GIGYF2: variants seen among roughly 807,000 people sequenced by gnomAD.
GIGYF2 encodes the protein GRB10-interacting GYF protein 2.
Under a neutral mutation model 208.1 loss-of-function variants are expected in GIGYF2, and 25 were observed. The ratio of observed to expected loss-of-function variants is 0.12; its 90% CI spans 0.09 to 0.17. The LOEUF (loss-of-function observed/expected upper bound fraction) is 0.17, where lower values mean the gene tolerates loss of function less well. Among genes scored for constraint, GIGYF2 ranks in the 10% least tolerant of loss-of-function variants. The probability of loss-of-function intolerance (pLI) is 1.00; values close to 1 mark genes in which losing one functional copy is unlikely to be tolerated. For missense variants in GIGYF2, 1,302 were observed against 1,579.4 expected (o/e 0.82, Z 2.98); for synonymous variants, 534 against 543.8 (o/e 0.98, Z 0.25).
chr2:232,706,923 G>C, intron 2 of GIGYF2, among the ~76,000 whole-genome samples: 1 of 148,364 alleles, frequency 6.7e-6, no homozygotes, highest in Middle Eastern at 3.5e-3. Context: ...CCCTACCTGG[G>C]TAACAGAGCA....
chr2:232,746,799 A>C (rs1698167227), intron 3 of GIGYF2, among the ~76,000 whole-genome samples: 1 of 152,192 alleles, frequency 6.6e-6, no homozygotes, highest in Non-Finnish European at 1.5e-5. Context: ...ACGTTGTGAA[A>C]TATTTCAGGC....
chr2:232,768,112 G>C, intron 8 of GIGYF2: 23 of 1,439,386 alleles, frequency 1.6e-5, no homozygotes, highest in Non-Finnish European at 2.2e-5. Context: ...ATTGAAAAAA[G>C]AAAACATGAG....
At chr2:232,808,707 A>C (rs189471447) in intron 15 of GIGYF2, among the ~76,000 whole-genome samples, 3 of 152,130 alleles carry the variant, frequency 2.0e-5, no homozygotes, top group Non-Finnish European at 2.9e-5. Context: ...TTAGTCTGTC[A>C]TACTTACACT....
chr2:232,720,796 T>C (rs1696909095), intron 2 of GIGYF2, among the ~76,000 whole-genome samples: 1 of 152,078 alleles, frequency 6.6e-6, no homozygotes, highest in African/African-American at 2.4e-5. Flanking sequence ...GGTTTTGCCA[T>C]GTTGGCCAGG....
intron 19 of GIGYF2, among the ~76,000 whole-genome samples, chr2:232,816,104 T>C (rs979523647): frequency 1.3e-5 from 2 of 152,208 alleles, no homozygotes; most frequent in African/African-American, 4.8e-5. Context: ...TCCCATTGAA[T>C]CTTTGTAGTG....
intron 22 of GIGYF2, among the ~76,000 whole-genome samples, chr2:232,833,585 T>C (rs977856989): frequency 1.3e-5 from 2 of 152,230 alleles, no homozygotes; most frequent in Non-Finnish European, 2.9e-5. Flanking sequence ...GGATAGGACA[T>C]GAGCAGCAAT....
intron 8 of GIGYF2, chr2:232,776,725 C>G: frequency 2.2e-6 from 1 of 446,044 alleles, no homozygotes; most frequent in Non-Finnish European, 4.0e-6. Flanking sequence ...CCAACACAAA[C>G]CTTAACAACT....
chr2:232,770,294 A>G (rs1699180933), intron 8 of GIGYF2, among the ~76,000 whole-genome samples: 1 of 152,234 alleles, frequency 6.6e-6, no homozygotes, highest in Admixed American at 6.5e-5. Context: ...CCTCCTTTAA[A>G]GGAAAGAGTT....
At chr2:232,710,413 T>G (rs771604818) in intron 2 of GIGYF2, among the ~76,000 whole-genome samples, 3 of 152,178 alleles carry the variant, frequency 2.0e-5, no homozygotes, top group Admixed American at 2.0e-4. Context: ...TGAATAGACA[T>G]GTCAGTGAGT....
At chr2:232,705,933 G>A (rs1301992376) in intron 2 of GIGYF2, 1 of 152,020 alleles carries the variant, frequency 6.6e-6, no homozygotes, top group East Asian at 2.0e-4. Context: ...TGGAACTCCC[G>A]ACCTCAGGTG....
intron 8 of GIGYF2, among the ~76,000 whole-genome samples, chr2:232,773,819 C>T (rs889985642): frequency 6.6e-6 from 1 of 151,438 alleles, no homozygotes; most frequent in African/African-American, 2.4e-5. Context: ...GTGTCTGGCT[C>T]CCAGCACTTC....
Position 232,844,152 on chromosome 2 carries a change from C to A in GIGYF2, c.2996C>A (p.Thr999Lys). ...WGNVSKPSGT[T>K]KSLLEIQQEE... is the part of the protein sequence containing the mutation. ...AATGTCAGCAAACCTTCAGGTACCA[C>A]GAAATCTCTTCTGGAGATCCAGCAG... Residue 999 changes from threonine to lysine, a missense_variant, in exon 24 of 29, where the codon ACG becomes AAG. Coordinates refer to ENST00000373563, the MANE Select transcript of GIGYF2 (RefSeq NM_001103146.3). 2.5e-6 allele frequency: 4 copies of A among 1,573,594 alleles called. No individual in the cohort carries two copies. The highest frequency in any genetic ancestry group is 3.5e-6 in the Non-Finnish European group (4 of 1,157,350).
intron 14 of GIGYF2, among the ~76,000 whole-genome samples, chr2:232,796,728 C>T (rs1700233079): frequency 6.6e-6 from 1 of 152,094 alleles, no homozygotes; most frequent in South Asian, 2.1e-4. Context: ...GACATGGTGG[C>T]AGGTGCCTGT....
chr2:232,834,425 C>G (rs1040694386), intron 22 of GIGYF2, among the ~76,000 whole-genome samples: 1 of 152,200 alleles, frequency 6.6e-6, no homozygotes, highest in South Asian at 2.1e-4. Context: ...GTGAGAACCA[C>G]TGTCCATCTG....
At chr2:232,799,972 G>T (rs112092896) in intron 14 of GIGYF2, among the ~76,000 whole-genome samples, 4,710 of 150,892 alleles carry the variant, frequency 0.031, 260 homozygotes, top group African/African-American at 0.11. Context: ...TTTTAATTGG[G>T]TTGTTAATTT....
chr2:232,768,959 G>T, intron 8 of GIGYF2: 2 of 672,862 alleles, frequency 3.0e-6, no homozygotes, highest in Admixed American at 3.0e-5. Context: ...TTGTTAATTT[G>T]GTCAGTCTTA....
chr2:232,713,673 T>G (rs889666262), intron 2 of GIGYF2, among the ~76,000 whole-genome samples: 2 of 152,220 alleles, frequency 1.3e-5, no homozygotes, highest in Non-Finnish European at 2.9e-5. Flanking sequence ...CTATGACAGT[T>G]TCTCTTGTCT....
intron 2 of GIGYF2, 106 bp from the exon 3 acceptor site, chr2:232,735,049 C>T: frequency 1.6e-6 from 1 of 644,048 alleles, no homozygotes; most frequent in Non-Finnish European, 2.8e-6. Context: ...TTTTGTGACT[C>T]TAGTTGAGAG....
intron 2 of GIGYF2, among the ~76,000 whole-genome samples, chr2:232,733,883 A>G (rs59017456): frequency 0.022 from 3,293 of 152,260 alleles, 124 homozygotes; most frequent in African/African-American, 0.075. Context: ...AGACGCAATT[A>G]AAAAATTTTT....
Sources: gnomAD v4.1 joint callset for allele counts (sites outside exome capture counted in the v4.1 genomes callset) on GRCh38, gnomAD v4.1.1 for gene constraint, MANE v1.5 for transcripts, NCBI Gene and HGNC (gene_info 2026-07-23, HGNC 2026-07-21) for gene names.